The following IQCB1 variants were observed in gnomAD, a reference collection of about 807,000 sequenced individuals.
IQCB1 encodes IQ calmodulin-binding motif-containing protein 1.
A neutral mutation model predicts 84.4 loss-of-function variants in IQCB1; 56 were observed. That is an observed-to-expected ratio of 0.66 (90% confidence interval 0.54 to 0.83). The LOEUF (loss-of-function observed/expected upper bound fraction) is 0.83. Among genes scored for constraint, IQCB1 ranks in the 40% least tolerant of loss-of-function variants. The probability of loss-of-function intolerance (pLI) is 0.00; values close to 1 mark genes in which losing one functional copy is unlikely to be tolerated. For synonymous variants in IQCB1, 210 were observed against 234.8 expected (o/e 0.89, Z 0.96); for missense variants, 629 against 682.1 (o/e 0.92, Z 0.87).
intron 9 of IQCB1, among the ~76,000 whole-genome samples, chr3:121,796,773 T>C (rs6438666): frequency 0.64 from 97,895 of 152,004 alleles, 32,019 homozygotes; most frequent in African/African-American, 0.72. Context: ...GTGGCAGTAT[T>C]TATAAACAGA....
At chr3:121,772,496 G>T in intron 14 of IQCB1, 61 bp downstream of exon 14, 10 of 1,557,702 alleles carry the variant, frequency 6.4e-6, no homozygotes, top group Non-Finnish European at 8.9e-6. Flanking sequence ...AAAGGTTTTG[G>T]ATGTCACAAA....
At position 121,772,632 on chromosome 3, in the gene IQCB1, C is replaced by T. The variant is rs1039255352; in HGVS notation, c.1492G>A (p.Ala498Thr). 6.8e-6 allele frequency: 11 copies of T among 1,614,226 alleles called. No homozygotes were observed. The highest frequency in any genetic ancestry group is 9.3e-6 in the Non-Finnish European group (11 of 1,180,034). Residue 498 changes from alanine to threonine, a missense_variant, in exon 14 of 15, where the codon GCC (alanine) becomes ACC (threonine). By Grantham distance (58) the Ala-to-Thr change is moderately conservative (BLOSUM62 0). Coordinates refer to ENST00000310864, the MANE Select transcript of IQCB1 (RefSeq NM_001023570.4). ...TGCTGCTGGGCTCGCTCTTCTAGGG[C>T]CCTGCCCATAAAGTAGTGTTGCAGT... Reference protein sequence around the residue: ...ERLQHYFMGRALEERAQQHRE... With the variant: ...ERLQHYFMGRTLEERAQQHRE...
chr3:121,807,245 T>C (rs528865993), intron 7 of IQCB1, 99 bp downstream of exon 7: 11 of 729,800 alleles, frequency 1.5e-5, no homozygotes, highest in African/African-American at 3.5e-5. Context: ...ATATACATTA[T>C]ATACAAATCA....
At chr3:121,794,649 TAA>T (rs1195803748) in intron 10 of IQCB1, among the ~76,000 whole-genome samples, 1 of 152,148 alleles carries the variant, frequency 6.6e-6, no homozygotes. Context: ...GGATACCCAC[TAA>T]GAGACACAGT....
chr3:121,775,955 T>C (rs186498146), intron 13 of IQCB1, among the ~76,000 whole-genome samples: 30 of 152,344 alleles, frequency 2.0e-4, no homozygotes, highest in Admixed American at 9.1e-4. Context: ...GTTTATATTT[T>C]TAGAATTTAC....
intron 10 of IQCB1, among the ~76,000 whole-genome samples, 195 bp downstream of exon 10, chr3:121,795,262 A>C (rs1354659544): frequency 2.0e-5 from 3 of 152,084 alleles, no homozygotes; most frequent in African/African-American, 7.2e-5. Context: ...TTGACACATC[A>C]GATTCCTGTC....
intron 12 of IQCB1, among the ~76,000 whole-genome samples, chr3:121,783,053 T>C (rs1163538269): frequency 6.6e-6 from 1 of 152,240 alleles, no homozygotes; most frequent in Admixed American, 6.5e-5. Context: ...TGTGACACAC[T>C]ACATGACCTG....
intron 5 of IQCB1, among the ~76,000 whole-genome samples, chr3:121,819,153 G>T (rs1014837850): frequency 6.6e-6 from 1 of 152,092 alleles, no homozygotes; most frequent in Non-Finnish European, 1.5e-5. Context: ...AATACATAAT[G>T]AAATAATTAT....
chr3:121,817,332 G>A (rs1329339646), intron 5 of IQCB1, among the ~76,000 whole-genome samples: 3 of 152,002 alleles, frequency 2.0e-5, no homozygotes, highest in East Asian at 1.9e-4. Context: ...CCTACATGAC[G>A]AGTTGATGGG....
chr3:121,785,453 C>T lies in IQCB1; in HGVS notation c.1278+2831G>A, dbSNP rs1039417929. ...TATTTTTAGTAGAGATGAGGTTTTGCGACATTGCCCAGGCTGGTATATTAC... is the reference window on the plus strand; with the variant it reads ...TATTTTTAGTAGAGATGAGGTTTTGTGACATTGCCCAGGCTGGTATATTAC... On this transcript the variant is annotated intron_variant, in intron 12 of 14. Transcript: ENST00000310864. Among the ~76,000 whole-genome samples, 7 of 151,986 alleles carry T rather than the reference C, an allele frequency of 4.6e-5. No homozygotes were observed. In the South Asian group the frequency reaches 6.2e-4, roughly 14 times the overall value.
rs71133577 is a variant in IQCB1 at position 121,831,179 on chromosome 3, A to ATTTTTTTTTTTTTT, written c.-12-2208_-12-2207insAAAAAAAAAAAAAA. Reference sequence around the variant, plus strand: ...TGCATCTCTTCATTTGTATCCTAGTATTTTTTTTTGGAGACAGGATCTCAC... The same window carrying ATTTTTTTTTTTTTT: ...TGCATCTCTTCATTTGTATCCTAGTATTTTTTTTTTTTTTTTTTTTTTTGGAGACAGGATCTCAC... On this transcript the variant is annotated intron_variant, in intron 2 of 14. Coordinates refer to ENST00000310864, the MANE Select transcript of IQCB1 (RefSeq NM_001023570.4). Among the ~76,000 whole-genome samples the ATTTTTTTTTTTTTT allele has an allele frequency of 4.2e-4, 55 of 129,564 alleles. 1 individual carries two copies. The highest frequency in any genetic ancestry group is 8.7e-4 in the African/African-American group (29 of 33,326). 85.0% of individuals were successfully genotyped at this position (129,564 alleles called of 152,430 possible).
chr3:121,813,993 C>A (rs578002980), intron 5 of IQCB1, among the ~76,000 whole-genome samples: 1 of 152,302 alleles, frequency 6.6e-6, no homozygotes, highest in South Asian at 2.1e-4. Context: ...CCACATCGCA[C>A]TTATTCTAAA....
At chr3:121,792,350 C>T (rs1949015553) in intron 10 of IQCB1, among the ~76,000 whole-genome samples, 1 of 151,764 alleles carries the variant, frequency 6.6e-6, no homozygotes, top group African/African-American at 2.4e-5. Flanking sequence ...AAGTACAAAC[C>T]AGAAAGACAG....
At chr3:121,778,837 C>T (rs1224270949) in intron 13 of IQCB1, among the ~76,000 whole-genome samples, 1 of 148,622 alleles carries the variant, frequency 6.7e-6, no homozygotes, top group South Asian at 2.1e-4. Context: ...ACCCGGGAGG[C>T]GGCAGTTGCA....
intron 8 of IQCB1, among the ~76,000 whole-genome samples, chr3:121,798,448 A>T (rs1349104271): frequency 6.6e-6 from 1 of 151,934 alleles, no homozygotes; most frequent in Non-Finnish European, 1.5e-5. Context: ...GTCAGCAAAG[A>T]AATAAAACAA....
chr3:121,832,413 C>T (rs781393838), intron 2 of IQCB1, among the ~76,000 whole-genome samples: 1 of 151,638 alleles, frequency 6.6e-6, no homozygotes, highest in Non-Finnish European at 1.5e-5. Context: ...CTGCATCCTC[C>T]ACCTCCTGGG....
At chr3:121,790,049 G>A (rs778575769) in intron 11 of IQCB1, 24 bp downstream of exon 11, 6 of 1,599,618 alleles carry the variant, frequency 3.8e-6, no homozygotes, top group Non-Finnish European at 5.1e-6. Flanking sequence ...TTCTTATATT[G>A]ATAAAGTTGA....
chr3:121,779,408 G>A (rs1238508917), intron 13 of IQCB1, among the ~76,000 whole-genome samples: 2 of 151,960 alleles, frequency 1.3e-5, no homozygotes, highest in African/African-American at 4.8e-5. Context: ...ATCCAGCAAA[G>A]TCTAATCTGC....
At chr3:121,781,957 T>A (rs2108526033) in intron 12 of IQCB1, 83 bp from the exon 13 acceptor site, 1 of 1,320,804 alleles carries the variant, frequency 7.6e-7, no homozygotes, top group East Asian at 2.4e-5. Flanking sequence ...ATGGTAGTGA[T>A]CACATTGCAA....
Sources: gnomAD v4.1 joint callset for allele counts (sites outside exome capture counted in the v4.1 genomes callset) on GRCh38, gnomAD v4.1.1 for gene constraint, MANE v1.5 for transcripts, NCBI Gene and HGNC (gene_info 2026-07-23, HGNC 2026-07-21) for gene names.